The following PIP5K1B variants were observed in gnomAD, a reference collection of about 807,000 sequenced individuals.
The protein encoded by PIP5K1B is phosphatidylinositol 4-phosphate 5-kinase type-1 beta.
Under a neutral mutation model 67.0 loss-of-function variants are expected in PIP5K1B, and 42 were observed. The ratio of observed to expected loss-of-function variants is 0.63; its 90% CI spans 0.49 to 0.81. The LOEUF (loss-of-function observed/expected upper bound fraction) is 0.81. Among genes scored for constraint, PIP5K1B ranks in the 30% least tolerant of loss-of-function variants. The pLI is 0.00. For missense variants in PIP5K1B, 459 were observed against 646.3 expected (o/e 0.71, Z 3.14); for synonymous variants, 214 against 231.4 (o/e 0.92, Z 0.68).
At chr9:68,877,025 TA>T (rs1397983435) in intron 6 of PIP5K1B, among the ~76,000 whole-genome samples, 1 of 152,248 alleles carries the variant, frequency 6.6e-6, no homozygotes, top group Non-Finnish European at 1.5e-5. Flanking sequence ...TAAATAACTA[TA>T]ATATCAGTTG....
chr9:68,788,200 A>C, intron 2 of PIP5K1B: 6 of 314,554 alleles, frequency 1.9e-5, no homozygotes, highest in East Asian at 9.9e-5. Flanking sequence ...GGAAAAAGGA[A>C]TGTGTGGGCC....
At chr9:68,960,865 T>C (rs1466436335) in intron 14 of PIP5K1B, among the ~76,000 whole-genome samples, 1 of 152,242 alleles carries the variant, frequency 6.6e-6, no homozygotes, top group African/African-American at 2.4e-5. Context: ...TCTTTTACAA[T>C]AGTAGCTTCT....
chr9:68,794,776 G>A (rs765478708), intron 2 of PIP5K1B, among the ~76,000 whole-genome samples: 1 of 151,430 alleles, frequency 6.6e-6, no homozygotes, highest in African/African-American at 2.4e-5. Flanking sequence ...TTGCAAAATT[G>A]TTGCTGAATA....
At chr9:68,986,442 T>C (rs1260197059) in intron 14 of PIP5K1B, among the ~76,000 whole-genome samples, 27 of 152,218 alleles carry the variant, frequency 1.8e-4, no homozygotes, top group Admixed American at 1.8e-3. Flanking sequence ...TTATTTGCCT[T>C]TTTATTGCTA....
Position 68,867,743 on chromosome 9 carries a change from A to G in PIP5K1B, c.200+3776A>G, listed in dbSNP as rs144360495. Among the ~76,000 whole-genome samples the G allele has an allele frequency of 4.6e-5, 7 of 152,270 alleles. No homozygotes were observed. In the East Asian group the frequency reaches 1.3e-3, roughly 29 times the overall value. On this transcript the variant is annotated intron_variant, in intron 5 of 15. Coordinates refer to ENST00000265382, the MANE Select transcript of PIP5K1B (RefSeq NM_003558.4). ...GTCAAATAATGCTTTCTCTCTAAGT[A>G]TTTCCAAGCCCATATGGGGATGAAG...
At chr9:68,838,031 G>T (rs1821717259) in intron 4 of PIP5K1B, among the ~76,000 whole-genome samples, 1 of 150,124 alleles carries the variant, frequency 6.7e-6, no homozygotes, top group Non-Finnish European at 1.5e-5. Context: ...ATATATGTCT[G>T]TGTAACTTAT....
chr9:68,813,870 C>G (rs1833293299), intron 2 of PIP5K1B, among the ~76,000 whole-genome samples: 2 of 152,154 alleles, frequency 1.3e-5, no homozygotes, highest in Non-Finnish European at 2.9e-5. Context: ...CATGGCCCTG[C>G]CAGTACTTTA....
intron 13 of PIP5K1B, among the ~76,000 whole-genome samples, chr9:68,935,274 C>G (rs1827196157): frequency 1.3e-5 from 2 of 152,182 alleles, no homozygotes; most frequent in Admixed American, 1.3e-4. Context: ...CGAAACCAGC[C>G]TGGCCAACAT....
intron 4 of PIP5K1B, among the ~76,000 whole-genome samples, chr9:68,846,435 G>T (rs1051578212): frequency 6.6e-6 from 1 of 152,100 alleles, no homozygotes; most frequent in African/African-American, 2.4e-5. Flanking sequence ...AAATTCTTAT[G>T]AATTTAGAGA....
At chr9:68,949,667 A>G (rs1293539912) in intron 14 of PIP5K1B, among the ~76,000 whole-genome samples, 1 of 152,270 alleles carries the variant, frequency 6.6e-6, no homozygotes, top group African/African-American at 2.4e-5. Context: ...GTTAAAAGAA[A>G]AAGTTCAGCT....
chr9:68,889,095 G>A lies in PIP5K1B; in HGVS notation c.433G>A (p.Ala145Thr). 1 of 1,613,650 alleles carries A rather than the reference G, an allele frequency of 6.2e-7. No individual in the cohort carries two copies. Among genetic ancestry groups the A allele is most frequent in the East Asian group, 2.2e-5 (1 of 44,862 alleles). The change falls in exon 7 of 16, where the codon GCT becomes ACT. Residue 145 changes from alanine (A) to threonine (T), a missense_variant. Transcript: ENST00000265382. The stretch of plus-strand genomic sequence containing the variant: ...CATCAAAACAGTTCAGCACAAAGAA[G>A]CTGAGTTTCTTCAGAAGCTACTGCC... ...FIIKTVQHKE[A>T]EFLQKLLPGY...
chr9:68,957,774 C>T (rs1168347656), intron 14 of PIP5K1B, among the ~76,000 whole-genome samples: 1 of 152,154 alleles, frequency 6.6e-6, no homozygotes, highest in Non-Finnish European at 1.5e-5. Context: ...CAGCCTACTA[C>T]AGAGGCAGGC....
At chr9:68,968,886 T>C (rs1157454820) in intron 14 of PIP5K1B, among the ~76,000 whole-genome samples, 1 of 152,130 alleles carries the variant, frequency 6.6e-6, no homozygotes, top group East Asian at 1.9e-4. Flanking sequence ...TCACTCTGCC[T>C]GTCTTGCCTG....
At chr9:68,807,258 A>G (rs1255924481) in intron 2 of PIP5K1B, among the ~76,000 whole-genome samples, 1 of 152,188 alleles carries the variant, frequency 6.6e-6, no homozygotes, top group Non-Finnish European at 1.5e-5. Context: ...TCATTTCATG[A>G]CTGCTTCTAT....
chr9:68,915,008 A>G (rs1204011348), intron 8 of PIP5K1B, among the ~76,000 whole-genome samples: 1 of 152,262 alleles, frequency 6.6e-6, no homozygotes, highest in Non-Finnish European at 1.5e-5. Flanking sequence ...AATTATAATC[A>G]TAGTGATAAG....
chr9:68,914,566 T>A (rs1024978462), intron 8 of PIP5K1B, among the ~76,000 whole-genome samples: 20 of 151,764 alleles, frequency 1.3e-4, no homozygotes, highest in Non-Finnish European at 2.2e-4. Context: ...ATACAAAAAA[T>A]TAGCAAGGCG....
At chr9:68,779,940 C>G in intron 2 of PIP5K1B, 1 of 498,364 alleles carries the variant, frequency 2.0e-6, no homozygotes. Flanking sequence ...AGCGGCCCGA[C>G]CACTCCTCGC....
At chr9:68,925,131 T>TC (rs1383062075) in intron 12 of PIP5K1B, among the ~76,000 whole-genome samples, 1 of 152,188 alleles carries the variant, frequency 6.6e-6, no homozygotes, top group Non-Finnish European at 1.5e-5. Flanking sequence ...ATCTAATTTT[T>TC]TTTTTTGCCA....
At chr9:68,819,474 T>C (rs1833622012) in intron 3 of PIP5K1B, among the ~76,000 whole-genome samples, 1 of 152,172 alleles carries the variant, frequency 6.6e-6, no homozygotes, top group Non-Finnish European at 1.5e-5. Flanking sequence ...GTTCTCACTG[T>C]TTTTCCCAGG....
Sources: gnomAD v4.1 joint callset for allele counts (sites outside exome capture counted in the v4.1 genomes callset) on GRCh38, gnomAD v4.1.1 for gene constraint, MANE v1.5 for transcripts, NCBI Gene and HGNC (gene_info 2026-07-23, HGNC 2026-07-21) for gene names.